Variants in ROBO2 observed in about 807,000 individuals in gnomAD.
ROBO2 encodes roundabout guidance receptor 2.
In ROBO2, 53 loss-of-function variants were observed where a neutral mutation model predicts 160.8. The ratio of observed to expected loss-of-function variants is 0.33; its 90% CI spans 0.26 to 0.41. The LOEUF (loss-of-function observed/expected upper bound fraction) is 0.41. Among genes scored for constraint, ROBO2 ranks in the 10% least tolerant of loss-of-function variants. The pLI, the probability that ROBO2 is intolerant of heterozygous loss-of-function variation, is 1.00. For missense variants in ROBO2, 1,577 were observed against 1,722.4 expected (o/e 0.92, Z 1.49); for synonymous variants, 664 against 611.7 (o/e 1.09, Z -1.26).
chr3:77,629,179 T>A (rs1559762005), intron 23 of ROBO2: 1 of 152,220 alleles, frequency 6.6e-6, no homozygotes. Context: ...AATGCTCGGA[T>A]GAAGAACTGT....
intron 2 of ROBO2, among the ~76,000 whole-genome samples, chr3:76,312,617 G>A (rs2071672799): frequency 6.6e-6 from 1 of 152,108 alleles, no homozygotes; most frequent in Non-Finnish European, 1.5e-5. Flanking sequence ...GTTATCAATG[G>A]ATTTCTTTTT....
At chr3:76,847,993 G>GA (rs1559596782) in intron 2 of ROBO2, among the ~76,000 whole-genome samples, 1 of 151,774 alleles carries the variant, frequency 6.6e-6, no homozygotes, top group Admixed American at 6.6e-5. Flanking sequence ...TGGAATTAAA[G>GA]AAAAAAATGT....
At chr3:76,654,257 C>T (rs1292734844) in intron 2 of ROBO2, among the ~76,000 whole-genome samples, 1 of 151,948 alleles carries the variant, frequency 6.6e-6, no homozygotes, top group African/African-American at 2.4e-5. Context: ...GATAGATGCC[C>T]CATTTTGGGT....
intron 2 of ROBO2, among the ~76,000 whole-genome samples, chr3:76,246,385 A>G (rs971380639): frequency 6.6e-6 from 1 of 152,182 alleles, no homozygotes; most frequent in Admixed American, 6.6e-5. Flanking sequence ...GTTAACTGGA[A>G]TGCAGAAAGG....
At chr3:76,382,468 T>C (rs1412350933) in intron 2 of ROBO2, among the ~76,000 whole-genome samples, 1 of 152,150 alleles carries the variant, frequency 6.6e-6, no homozygotes, top group Admixed American at 6.5e-5. Flanking sequence ...GCGCCTGTAG[T>C]CCCAGCTACT....
intron 2 of ROBO2, among the ~76,000 whole-genome samples, chr3:77,445,399 G>C (rs1426150509): frequency 6.6e-6 from 1 of 151,830 alleles, no homozygotes; most frequent in Admixed American, 6.6e-5. Context: ...GTGTAATATG[G>C]GTATGTCACT....
rs899521610 is a variant in ROBO2 at position 76,754,134 on chromosome 3, A to T, written c.110-343880A>T. Among the ~76,000 whole-genome samples the T allele has an allele frequency of 2.6e-5, 4 of 151,942 alleles. No individual in the cohort carries two copies. In the South Asian group the frequency reaches 8.3e-4, roughly 31 times the overall value. On this transcript the variant is annotated intron_variant, in intron 2 of 26. Coordinates refer to the ROBO2 transcript ENST00000487694. The stretch of plus-strand genomic sequence containing the variant: ...AAATAGCAGGAAGGAGAAAGAAAAT[A>T]TACTTTCATTAATAGCTGTGATTTC...
At chr3:77,040,170 G>A (rs1203878717) in exon 1 of ROBO2, 1 of 985,638 alleles carries the variant, frequency 1.0e-6, no homozygotes, top group Admixed American at 6.1e-5. Context: ...CCGGAGAGGT[G>A]GAGGGAGGGC....
intron 2 of ROBO2, among the ~76,000 whole-genome samples, chr3:76,092,656 T>G (rs1274231747): frequency 2.0e-5 from 3 of 152,166 alleles, no homozygotes; most frequent in Non-Finnish European, 4.4e-5. Flanking sequence ...TTAGGATCAT[T>G]CTCTTTGCTC....
chr3:76,393,254 G>C (rs965033471), intron 2 of ROBO2, among the ~76,000 whole-genome samples: 2 of 152,122 alleles, frequency 1.3e-5, no homozygotes, highest in African/African-American at 4.8e-5. Context: ...AGGTGGTTTT[G>C]AAATTGTGTC....
chr3:77,398,619 C>A (rs1258253366), intron 2 of ROBO2, among the ~76,000 whole-genome samples: 1 of 151,876 alleles, frequency 6.6e-6, no homozygotes, highest in Non-Finnish European at 1.5e-5. Flanking sequence ...TCTCACTCTC[C>A]CGCCCTGGCT....
intron 2 of ROBO2, among the ~76,000 whole-genome samples, chr3:76,425,001 G>T (rs2076151626): frequency 6.6e-6 from 1 of 152,022 alleles, no homozygotes; most frequent in South Asian, 2.1e-4. Flanking sequence ...TGTTTTTGTA[G>T]GTCTAAATCA....
intron 2 of ROBO2, among the ~76,000 whole-genome samples, chr3:77,453,473 T>G (rs1207419456): frequency 6.6e-6 from 1 of 152,146 alleles, no homozygotes; most frequent in Admixed American, 6.5e-5. Context: ...CCATTATTGT[T>G]TTATTTATGT....
chr3:77,580,087 A>T, exon 16 of ROBO2: 1 of 1,613,820 alleles, frequency 6.2e-7, no homozygotes. Context: ...CAGGGGTTGG[A>T]GTAAAGAGTG....
intron 2 of ROBO2, among the ~76,000 whole-genome samples, chr3:77,424,182 A>G (rs1031695871): frequency 1.3e-5 from 2 of 152,194 alleles, no homozygotes; most frequent in Non-Finnish European, 2.9e-5. Context: ...ACTCTGGGAT[A>G]ACTCTAGACA....
intron 2 of ROBO2, among the ~76,000 whole-genome samples, chr3:76,844,485 A>C (rs2068596488): frequency 6.6e-6 from 1 of 151,970 alleles, no homozygotes. Flanking sequence ...AAAACCGTGA[A>C]TAGTATTTCA....
At chr3:76,483,726 C>T (rs2079334481) in intron 2 of ROBO2, among the ~76,000 whole-genome samples, 1 of 152,144 alleles carries the variant, frequency 6.6e-6, no homozygotes, top group African/African-American at 2.4e-5. Flanking sequence ...CCATCCTCCA[C>T]CCTCTGATAG....
At chr3:76,962,864 T>C (rs1036729847) in intron 2 of ROBO2, among the ~76,000 whole-genome samples, 1 of 152,202 alleles carries the variant, frequency 6.6e-6, no homozygotes, top group Non-Finnish European at 1.5e-5. Context: ...CCTATTGCTG[T>C]CCACAGTCTC....
At chr3:77,295,425 G>C (rs1322076902) in intron 2 of ROBO2, among the ~76,000 whole-genome samples, 1 of 150,370 alleles carries the variant, frequency 6.7e-6, no homozygotes, top group African/African-American at 2.5e-5. Context: ...TGGTTAAATG[G>C]GAAGTTGAGG....
Sources: allele counts gnomAD v4.1 joint callset (sites outside exome capture counted in the v4.1 genomes callset), GRCh38; gene constraint gnomAD v4.1.1; transcripts MANE v1.5; gene names NCBI Gene and HGNC (gene_info 2026-07-23, HGNC 2026-07-21).